Variants in PHLPP1 observed in about 807,000 individuals in gnomAD.
PHLPP1 encodes PH domain leucine-rich repeat-containing protein phosphatase 1.
Under a neutral mutation model 117.2 loss-of-function variants are expected in PHLPP1, and 42 were observed. The observed-to-expected ratio is 0.36, with a 90% confidence interval of 0.28 to 0.46. The LOEUF is 0.46. Ranked by LOEUF, PHLPP1 falls within the 20% of genes least tolerant of loss-of-function variation. The pLI is 1.00. For missense variants in PHLPP1, 2,084 were observed against 2,241.9 expected, an observed-to-expected ratio of 0.93 and a Z score of 1.42; for synonymous variants, 1,042 against 970.7, an observed-to-expected ratio of 1.07 and a Z score of -1.37.
At chr18:62,801,045 C>CTCCCTCCCTCCT in intron 1 of PHLPP1, among the ~76,000 whole-genome samples, 1 of 95,008 alleles carries the variant, frequency 1.1e-5, no homozygotes, top group Non-Finnish European at 2.2e-5. Flanking sequence ...CCCTCCCTCC[C>CTCCCTCCCTCCT]TCCCTCCCTC....
intron 4 of PHLPP1, among the ~76,000 whole-genome samples, chr18:62,891,888 C>CA (rs574107579): frequency 0.012 from 967 of 79,064 alleles, 14 homozygotes; most frequent in Non-Finnish European, 0.017. Context: ...GACCCTTTCT[C>CA]AAAAAAAAAA....
In PHLPP1 at chr18:62,946,358, C is replaced by T. The variant is rs1412590703; in HGVS notation, c.3324+1087C>T. Among the ~76,000 whole-genome samples the T allele has an allele frequency of 3.9e-5, 6 of 152,220 alleles. No individual in the cohort carries two copies. The East Asian group carries it at 7.8e-4, about 20-fold the overall frequency. The stretch of plus-strand genomic sequence containing the variant: ...CTCACTGCAACCTCTCTCTGTCTTC[C>T]GGGTTCAAGCGATTCGCTCGCCGCA... On this transcript the variant is annotated intron_variant, in intron 12 of 16. Transcript: ENST00000262719.
chr18:62,937,633 A>C (rs1244803975), intron 10 of PHLPP1, among the ~76,000 whole-genome samples: 1 of 152,228 alleles, frequency 6.6e-6, no homozygotes, highest in Non-Finnish European at 1.5e-5. Context: ...CCATTGCCAA[A>C]TAATGTTACT....
rs910295632 is a variant in PHLPP1 at position 62,797,249 on chromosome 18, C to T, written c.1577-32786C>T. Among the ~76,000 whole-genome samples, 7 of 152,116 alleles carry T rather than the reference C, an allele frequency of 4.6e-5. No homozygotes were observed. In the South Asian group the frequency reaches 1.0e-3, roughly 23 times the overall value. On this transcript the variant is annotated intron_variant, in intron 1 of 16. Transcript: ENST00000262719. ...TTAAACATTTTTTACCATAATATATCGTAAATATTGCCCAGCTGTTAATTC... is the reference window on the plus strand; with the variant it reads ...TTAAACATTTTTTACCATAATATATTGTAAATATTGCCCAGCTGTTAATTC...
At chr18:62,743,517 A>G (rs1911591572) in intron 1 of PHLPP1, among the ~76,000 whole-genome samples, 1 of 152,192 alleles carries the variant, frequency 6.6e-6, no homozygotes, top group Admixed American at 6.5e-5. Context: ...AAACTTAAGT[A>G]TCGCCATACA....
intron 1 of PHLPP1, among the ~76,000 whole-genome samples, chr18:62,746,713 C>T (rs1286642007): frequency 6.6e-6 from 1 of 150,420 alleles, no homozygotes; most frequent in East Asian, 1.9e-4. Flanking sequence ...AACCTGTGTA[C>T]AACTTTTGAT....
At chr18:62,899,413 C>T (rs1916658485) in intron 6 of PHLPP1, among the ~76,000 whole-genome samples, 2 of 152,096 alleles carry the variant, frequency 1.3e-5, no homozygotes, top group African/African-American at 4.8e-5. Flanking sequence ...AGAGGCTGTT[C>T]CATTGCTTCC....
chr18:62,967,195 A>G (rs182546416), intron 14 of PHLPP1, among the ~76,000 whole-genome samples: 1 of 152,256 alleles, frequency 6.6e-6, no homozygotes, highest in Non-Finnish European at 1.5e-5. Context: ...AAAGTGCTAC[A>G]GGTTGCAAAC....
chr18:62,719,429 TGAACAAAAGCGTAG>T, intron 1 of PHLPP1, among the ~76,000 whole-genome samples: 1 of 152,210 alleles, frequency 6.6e-6, no homozygotes, highest in African/African-American at 2.4e-5. Context: ...CAGTTATTGA[TGAACAAAAGCGTAG>T]TCTCATTTAT....
At chr18:62,739,481 A>G (rs549451881) in intron 1 of PHLPP1, among the ~76,000 whole-genome samples, 2 of 152,258 alleles carry the variant, frequency 1.3e-5, no homozygotes, top group South Asian at 2.1e-4. Context: ...TACATATACA[A>G]CAGTTCATTG....
chr18:62,869,510 A>G (rs1915848099), intron 4 of PHLPP1, among the ~76,000 whole-genome samples: 2 of 152,194 alleles, frequency 1.3e-5, no homozygotes, highest in African/African-American at 2.4e-5. Context: ...TTATTACCCT[A>G]AACATCATCA....
intron 10 of PHLPP1, among the ~76,000 whole-genome samples, chr18:62,940,992 A>T (rs1910117466): frequency 6.6e-6 from 1 of 152,198 alleles, no homozygotes; most frequent in Admixed American, 6.5e-5. Context: ...TAGTTATGGG[A>T]TCATGCAGTG....
chr18:62,871,804 C>G (rs984182334), intron 4 of PHLPP1, among the ~76,000 whole-genome samples: 1 of 151,898 alleles, frequency 6.6e-6, no homozygotes, highest in South Asian at 2.1e-4. Context: ...GCCACCACGC[C>G]CAGCAAATTT....
At chr18:62,751,741 G>T (rs111380582) in intron 1 of PHLPP1, among the ~76,000 whole-genome samples, 1 of 152,198 alleles carries the variant, frequency 6.6e-6, no homozygotes, top group African/African-American at 2.4e-5. Flanking sequence ...GTGGATGGAG[G>T]GGGAGGGGAA....
intron 1 of PHLPP1, among the ~76,000 whole-genome samples, chr18:62,773,209 C>T (rs1312190104): frequency 1.3e-5 from 2 of 152,128 alleles, no homozygotes; most frequent in Non-Finnish European, 2.9e-5. Flanking sequence ...AAGATCCCCA[C>T]CCCACTTAAT....
chr18:62,753,394 G>A (rs1471560843), intron 1 of PHLPP1, among the ~76,000 whole-genome samples: 1 of 152,174 alleles, frequency 6.6e-6, no homozygotes, highest in Non-Finnish European at 1.5e-5. Flanking sequence ...AGTTTGATTA[G>A]AGGAAAATAA....
chr18:62,866,433 C>T lies in PHLPP1; in HGVS notation c.2066+5832C>T, dbSNP rs568678399. 3.0e-4 allele frequency among the ~76,000 whole-genome samples: 45 copies of T among 151,980 alleles called. No homozygotes were observed. The South Asian group carries it at 9.2e-3, about 31-fold the overall frequency. ...CTAATTTTTGTAGTTTTAGTAGAGA[C>T]GGGGTTTTGCCATGTTGGCCAGGCT... On this transcript the variant is annotated intron_variant, in intron 4 of 16. Transcript: ENST00000262719.
chr18:62,726,115 T>TAC (rs1472463674), intron 1 of PHLPP1, among the ~76,000 whole-genome samples: 136 of 151,682 alleles, frequency 9.0e-4, no homozygotes, highest in African/African-American at 2.5e-3. Flanking sequence ...TGTATGTGTA[T>TAC]ATACACACAC....
At chr18:62,875,005 A>G (rs1916012013) in intron 4 of PHLPP1, among the ~76,000 whole-genome samples, 1 of 152,242 alleles carries the variant, frequency 6.6e-6, no homozygotes, top group African/African-American at 2.4e-5. Flanking sequence ...CTCAGGCTGG[A>G]GTACAGTGGC....
Sources: gnomAD v4.1 joint callset for allele counts (sites outside exome capture counted in the v4.1 genomes callset) on GRCh38, gnomAD v4.1.1 for gene constraint, MANE v1.5 for transcripts, NCBI Gene and HGNC (gene_info 2026-07-23, HGNC 2026-07-21) for gene names.